The following UCKL1 variants were observed in gnomAD, a reference collection of about 807,000 sequenced individuals.
UCKL1 encodes the protein uridine-cytidine kinase 1 like 1, also known as uridine-cytidine kinase-like 1.
A neutral mutation model predicts 59.2 loss-of-function variants in UCKL1; 65 were observed. The observed-to-expected ratio is 1.10, with a 90% CI of 0.90 to 1.35. UCKL1 has a LOEUF of 1.35. Ranked by LOEUF, UCKL1 falls within the 40% of genes most tolerant of loss-of-function variation. The pLI is 0.00. For synonymous variants in UCKL1, 410 were observed against 323.1 expected (o/e 1.27, Z -2.88); for missense variants, 703 against 784.3 (o/e 0.90, Z 1.24).
At chr20:63,950,630 G>A in intron 1 of UCKL1, 1 of 1,122,514 alleles carries the variant, frequency 8.9e-7, no homozygotes, top group Non-Finnish European at 1.2e-6. Flanking sequence ...TCTGCCCGGT[G>A]CCCGAGAGCA....
intron 1 of UCKL1, chr20:63,948,244 C>T (rs2056772013): frequency 6.6e-6 from 1 of 152,172 alleles, no homozygotes; most frequent in Admixed American, 6.5e-5. Context: ...AACTCAGAAC[C>T]ACAGTCACTG....
Position 63,956,306 on chromosome 20 carries a change from T to C in UCKL1, c.67A>G (p.Thr23Ala). 6.4e-7 allele frequency: 1 copy of C among 1,557,998 alleles called. No homozygotes were observed. ...CTTTTCTCAGCCTGCCGGCCTGGTGTGTCTCGGGCCGTAGGTGGCGACGTG... is the reference window on the plus strand; with the variant it reads ...CTTTTCTCAGCCTGCCGGCCTGGTGCGTCTCGGGCCGTAGGTGGCGACGTG... ...SPTSPPTARD[T>A]PGRQAEKSET... Residue 23 changes from threonine to alanine, a missense_variant, in exon 1 of 15, where the codon ACA (threonine) becomes GCA (alanine). Physicochemically the swap from Thr to Ala is moderately conservative, Grantham distance 58. Coordinates refer to ENST00000354216, the MANE Select transcript of UCKL1 (RefSeq NM_017859.4).
chr20:63,944,486 CG>C, intron 6 of UCKL1, 28 bp from the exon 7 acceptor site: 3 of 1,578,204 alleles, frequency 1.9e-6, no homozygotes, highest in Non-Finnish European at 2.6e-6. Context: ...GGCGGGTGAC[CG>C]GGGGCTGGGC....
rs754642648 is a variant in UCKL1, at chr20:63,939,844, CTTTA to C, written c.*128_*131del. 5.5e-5 allele frequency: 48 copies of C among 871,152 alleles called. No individual in the cohort carries two copies. Among genetic ancestry groups the C allele is most frequent in the South Asian group, 1.6e-4 (9 of 55,398 alleles). 54.0% of individuals were successfully genotyped at this position (871,152 alleles called of 1,614,324 possible). On this transcript the variant is annotated 3_prime_UTR_variant, in exon 15 of 15. Coordinates refer to ENST00000354216, the MANE Select transcript of UCKL1 (RefSeq NM_017859.4). Reference sequence around the variant, plus strand: ...CAATCACACCTTCATTTTTCTAAAGCTTTATTTATTTTATAAAATGCATAGAATA... The same window carrying C: ...CAATCACACCTTCATTTTTCTAAAGCTTTATTTTATAAAATGCATAGAATA...
In UCKL1 at chr20:63,945,726, T is replaced by G; in HGVS notation, c.583-4A>C. On this transcript the variant is annotated splice_polypyrimidine_tract_variant and splice_region_variant and intron_variant, in intron 4 of 14. Coordinates refer to ENST00000354216, the MANE Select transcript of UCKL1 (RefSeq NM_017859.4). ...CGTTTGCACCATACAGTGTTTTCTG[T>G]GAAGAAACCCAGGAGTTGCGGAGCC... 2 of 1,612,890 alleles carry G rather than the reference T, an allele frequency of 1.2e-6. No homozygotes were observed. Among genetic ancestry groups the G allele is most frequent in the Non-Finnish European group, 1.7e-6 (2 of 1,179,614 alleles).
intron 5 of UCKL1, among the ~76,000 whole-genome samples, chr20:63,945,070 G>A (rs1569074567): frequency 6.6e-6 from 1 of 152,244 alleles, no homozygotes; most frequent in Non-Finnish European, 1.5e-5. Context: ...CTGGGCACAT[G>A]TGATCTCCTT....
Position 63,943,023 on chromosome 20 carries a change from A to C in UCKL1, c.923+630T>G, listed in dbSNP as rs372293988. 2.6e-4 allele frequency among the ~76,000 whole-genome samples: 39 copies of C among 152,240 alleles called. No individual in the cohort carries two copies. The East Asian group carries it at 5.0e-3, about 20-fold the overall frequency. Reference sequence around the variant, plus strand: ...CAGTCAGGAGCCTCCCAACCCACAGAAGGCAGGGAGAAGGGCAGGTCCCTT... The same window carrying C: ...CAGTCAGGAGCCTCCCAACCCACAGCAGGCAGGGAGAAGGGCAGGTCCCTT... On this transcript the variant is annotated intron_variant, in intron 8 of 14. Transcript: ENST00000354216.
intron 1 of UCKL1, among the ~76,000 whole-genome samples, chr20:63,947,910 A>G (rs2056674606): frequency 6.6e-6 from 1 of 151,982 alleles, no homozygotes; most frequent in South Asian, 2.1e-4. Context: ...TACAACCTCA[A>G]GTGGGCAGGG....
intron 8 of UCKL1, 94 bp downstream of exon 8, chr20:63,943,559 G>T (rs1376438977): frequency 1.3e-5 from 21 of 1,583,028 alleles, no homozygotes; most frequent in Non-Finnish European, 1.8e-5. Context: ...CTGGGGAAGA[G>T]CCAGCTGCCT....
At position 63,940,166 on chromosome 20, in the gene UCKL1, G is replaced by A. The variant is rs1393695189; in HGVS notation, c.1551C>T (p.Arg517=). 6 of 1,612,702 alleles carry A rather than the reference G, an allele frequency of 3.7e-6. No individual in the cohort carries two copies. Among genetic ancestry groups the A allele is most frequent in the Non-Finnish European group, 5.1e-6 (6 of 1,179,982 alleles). ...AVDKRVNDLF[R]IIPGIGNFGD... The stretch of plus-strand genomic sequence containing the variant: ...CAGCCTCACCAATGCCTGGGATGAT[G>A]CGGAAAAGGTCATTGACCCGCTTGT... Residue 517 remains arginine, a synonymous_variant, in exon 14 of 15, where the codon CGC becomes CGT. Transcript: ENST00000354216.
chr20:63,946,676 G>C (rs1301841162), intron 1 of UCKL1, 33 bp from the exon 2 acceptor site: 1 of 1,592,052 alleles, frequency 6.3e-7, no homozygotes, highest in South Asian at 1.1e-5. Context: ...ATGTGGCCCA[G>C]AGCTGCCCAC....
Position 63,946,627 on chromosome 20 carries a change from G to C in UCKL1, c.130C>G (p.Leu44Val). The C allele has an allele frequency of 6.2e-7, 1 of 1,609,052 alleles. No individual in the cohort carries two copies. The highest frequency in any genetic ancestry group is 8.5e-7 in the Non-Finnish European group (1 of 1,179,802). ...ACEDRSNAES[L>V]DRLLPPVGTG... is the part of the protein sequence containing the mutation. ...CCCACAGGTGGCAGGAGCCTGTCCA[G>C]GGACTCTGCATTGCTGCTGCAGAGA... Residue 44 changes from leucine to valine, a missense_variant, in exon 2 of 15, where the codon CTG becomes GTG. Leu to Val is a conservative substitution (Grantham distance 32, BLOSUM62 1). Coordinates refer to ENST00000354216, the MANE Select transcript of UCKL1 (RefSeq NM_017859.4).
rs139466148 is a variant in UCKL1 at position 63,946,539 on chromosome 20, C to T, written c.218G>A (p.Arg73His). 4.3e-5 allele frequency: 69 copies of T among 1,608,510 alleles called. No individual in the cohort carries two copies. Among genetic ancestry groups the T allele is most frequent in the East Asian group, 2.2e-4 (10 of 44,840 alleles). Residue 73 changes from arginine (R) to histidine (H), a missense_variant, in exon 2 of 15, where the codon CGT (arginine) becomes CAT (histidine). This residue lies in a region of UCKL1 where 398 missense variants were observed against 373.0 expected (regional missense o/e 1.07). Coordinates refer to ENST00000354216, the MANE Select transcript of UCKL1 (RefSeq NM_017859.4). ...SQCKSEPPLL[R>H]TSKRTIYTAG... ...GGTGTAGATGGTACGCTTGCTTGTA[C>T]GCAGCAGGGGAGGCTCTGACTTGCA...
Position 63,946,631 on chromosome 20 carries a change from C to T in UCKL1, c.126G>A (p.Glu42=). 2 of 1,608,334 alleles carry T rather than the reference C, an allele frequency of 1.2e-6. No individual in the cohort carries two copies. Among genetic ancestry groups the T allele is most frequent in the South Asian group, 1.1e-5 (1 of 91,054 alleles). ...ETACEDRSNA[E]SLDRLLPPVG... ...CAGGTGGCAGGAGCCTGTCCAGGGA[C>T]TCTGCATTGCTGCTGCAGAGAGGGA... The change falls in exon 2 of 15, where the codon GAG becomes GAA. Residue 42 remains glutamate, a synonymous_variant. Coordinates refer to ENST00000354216, the MANE Select transcript of UCKL1 (RefSeq NM_017859.4).
In UCKL1 at chr20:63,940,068, G is replaced by C. The variant is rs772217107; in HGVS notation, c.1568-13C>G. On this transcript the variant is annotated splice_polypyrimidine_tract_variant and intron_variant, in intron 14 of 14. Transcript: ENST00000354216. The stretch of plus-strand genomic sequence containing the variant: ...TCGCCAAAGTTCCCTGGAAAAAGGG[G>C]GGGGGGGGTCCAGTGTGGTGGGGCC... The C allele has an allele frequency of 2.0e-6, 3 of 1,505,152 alleles. No homozygotes were observed. The highest frequency in any genetic ancestry group is 2.2e-5 in the East Asian group (1 of 44,644). 93.2% of individuals were successfully genotyped at this position (1,505,152 alleles called of 1,614,324 possible).
chr20:63,941,058 G>C lies in UCKL1; in HGVS notation c.1023-15C>G. ...TCTCCTTGTCCCTGTGGGGCCAACAGTTGAGCGGGAGCACGCGCCCGGGGC... is the reference window on the plus strand; with the variant it reads ...TCTCCTTGTCCCTGTGGGGCCAACACTTGAGCGGGAGCACGCGCCCGGGGC... On this transcript the variant is annotated splice_polypyrimidine_tract_variant and intron_variant, in intron 9 of 14. Coordinates refer to ENST00000354216, the MANE Select transcript of UCKL1 (RefSeq NM_017859.4). 1 of 1,595,900 alleles carries C rather than the reference G, an allele frequency of 6.3e-7. No individual in the cohort carries two copies. Among genetic ancestry groups the C allele is most frequent in the East Asian group, 2.2e-5 (1 of 44,496 alleles).
In UCKL1 at chr20:63,946,552, G is replaced by T. The variant is rs1308305158; in HGVS notation, c.205C>A (p.Pro69Thr). ...CGCTTGCTTGTACGCAGCAGGGGAGGCTCTGACTTGCACTGGCTGGTGGTC... is the reference window on the plus strand; with the variant it reads ...CGCTTGCTTGTACGCAGCAGGGGAGTCTCTGACTTGCACTGGCTGGTGGTC... ...KRTTSQCKSE[P>T]PLLRTSKRTI... Residue 69 changes from proline to threonine, a missense_variant, in exon 2 of 15, where the codon CCT (proline) becomes ACT (threonine). Pro to Thr is a conservative substitution (Grantham distance 38, BLOSUM62 -1). Around this residue, in one of 4 missense-constraint regions of UCKL1, gnomAD observed 398 missense variants for 373.0 expected, o/e 1.07. Transcript: ENST00000354216. 1 of 1,610,778 alleles carries T rather than the reference G, an allele frequency of 6.2e-7. No individual in the cohort carries two copies. The highest frequency in any genetic ancestry group is 8.5e-7 in the Non-Finnish European group (1 of 1,179,156).
intron 1 of UCKL1, among the ~76,000 whole-genome samples, chr20:63,947,906 C>G (rs2056673540): frequency 6.6e-6 from 1 of 152,224 alleles, no homozygotes; most frequent in Non-Finnish European, 1.5e-5. Context: ...AGTTTACAAC[C>G]TCAAGTGGGC....
At position 63,956,410 on chromosome 20, in the gene UCKL1, C is replaced by T; in HGVS notation, c.-38G>A. On this transcript the variant is annotated 5_prime_UTR_variant, in exon 1 of 15. Coordinates refer to ENST00000354216, the MANE Select transcript of UCKL1 (RefSeq NM_017859.4). The stretch of plus-strand genomic sequence containing the variant: ...CCTCTTTGCGGGCCTGGCCGGGCGG[C>T]GCGCATGGGCCGCCGGGAGCTGGCG... 2 of 1,354,910 alleles carry T rather than the reference C, an allele frequency of 1.5e-6. No individual in the cohort carries two copies. Among genetic ancestry groups the T allele is most frequent in the South Asian group, 3.5e-5 (2 of 57,876 alleles). The allele number at this position is 1,354,910 out of a possible 1,614,324, so 83.9% of individuals were successfully genotyped here. A position where few individuals can be genotyped will look rare whatever the true frequency, so the allele number is the denominator to read the frequency against.
Sources: allele counts gnomAD v4.1 joint callset (sites outside exome capture counted in the v4.1 genomes callset), GRCh38; gene constraint gnomAD v4.1.1; regional missense constraint gnomAD v4.1.1; transcripts MANE v1.5; gene names NCBI Gene and HGNC (gene_info 2026-07-23, HGNC 2026-07-21).